The following CELF2 variants were observed in gnomAD, a reference collection of about 807,000 sequenced individuals.
The protein encoded by CELF2 is CUGBP Elav-like family member 2.
Under a neutral mutation model 62.6 loss-of-function variants are expected in CELF2, and 8 were observed. The observed-to-expected ratio is 0.13, with a 90% confidence interval of 0.07 to 0.23. The LOEUF (loss-of-function observed/expected upper bound fraction) is 0.23. Ranked by LOEUF, CELF2 falls within the 10% of genes least tolerant of loss-of-function variation. The probability of loss-of-function intolerance (pLI) is 1.00; values close to 1 mark genes in which losing one functional copy is unlikely to be tolerated. For missense variants in CELF2, 333 were observed against 671.0 expected (o/e 0.50, Z 5.56); for synonymous variants, 258 against 250.0 (o/e 1.03, Z -0.30).
At chr10:11,219,216 A>C (rs922973625) in intron 3 of CELF2, among the ~76,000 whole-genome samples, 3 of 152,344 alleles carry the variant, frequency 2.0e-5, no homozygotes, top group East Asian at 1.9e-4. Context: ...CGATCTTCAT[A>C]GTCGAGGGTG....
At chr10:10,487,804 C>T in the CELF2 span, among the ~76,000 whole-genome samples, 1 of 152,048 alleles carries the variant, frequency 6.6e-6, no homozygotes, top group South Asian at 2.1e-4. Context: ...TAATGGTGGT[C>T]TTTGTGCTTA....
At chr10:10,832,844 A>T (rs2057981532) in intron 1 of CELF2, among the ~76,000 whole-genome samples, 1 of 152,154 alleles carries the variant, frequency 6.6e-6, no homozygotes, top group Admixed American at 6.5e-5. Context: ...ATAAAATGCA[A>T]AATTGGCCTA....
At chr10:10,855,739 T>C (rs1026775073) in intron 1 of CELF2, among the ~76,000 whole-genome samples, 1 of 152,232 alleles carries the variant, frequency 6.6e-6, no homozygotes, top group Non-Finnish European at 1.5e-5. Context: ...CTTGGAGGTA[T>C]TCATAGGCAC....
At chr10:10,546,703 T>C in the CELF2 span, among the ~76,000 whole-genome samples, 1 of 152,166 alleles carries the variant, frequency 6.6e-6, no homozygotes, top group African/African-American at 2.4e-5. Context: ...TTCATGACTT[T>C]TGTCACAAAG....
chr10:11,005,014 G>A (rs111387247), upstream of CELF2: 18 of 981,818 alleles, frequency 1.8e-5, no homozygotes, highest in African/African-American at 1.6e-4. The surrounding 1 kb of genome is among the most constrained non-coding windows in gnomAD (Gnocchi z 4.3). Context: ...TGAGTTCCTT[G>A]GTTGTTGTTT....
At chr10:10,986,184 A>T (rs1216257868) in intron 2 of CELF2, among the ~76,000 whole-genome samples, 2 of 147,570 alleles carry the variant, frequency 1.4e-5, no homozygotes, top group African/African-American at 2.6e-5. Flanking sequence ...ACTTTTTATA[A>T]AAAAAAAAGG....
intron 1 of CELF2, among the ~76,000 whole-genome samples, chr10:10,857,648 A>ATTTT: frequency 2.6e-5 from 1 of 38,812 alleles, no homozygotes; most frequent in Non-Finnish European, 4.6e-5. Context: ...ACATATATAT[A>ATTTT]GTATATATAT....
the CELF2 span, among the ~76,000 whole-genome samples, chr10:10,696,182 G>T: frequency 0.23 from 34,472 of 151,908 alleles, 4,181 homozygotes; most frequent in South Asian, 0.44. Context: ...TGGGTTTTTG[G>T]TGTGGATGTC....
chr10:10,509,728 T>C, the CELF2 span, among the ~76,000 whole-genome samples: 7 of 152,304 alleles, frequency 4.6e-5, no homozygotes, highest in African/African-American at 1.7e-4. Flanking sequence ...CCTTTGAGAT[T>C]AGCCACACAT....
chr10:11,221,197 A>G (rs998204581), intron 3 of CELF2, among the ~76,000 whole-genome samples: 1 of 152,130 alleles, frequency 6.6e-6, no homozygotes, highest in African/African-American at 2.4e-5. Flanking sequence ...GTTTTGGACT[A>G]ATTTTGGTTG....
chr10:11,295,341 C>G (rs960652305), intron 9 of CELF2, among the ~76,000 whole-genome samples: 2 of 152,214 alleles, frequency 1.3e-5, no homozygotes, highest in African/African-American at 4.8e-5. Flanking sequence ...CTAGCATCAG[C>G]TTTTAAGAAA....
chr10:11,293,797 G>T (rs1334583484), intron 9 of CELF2, among the ~76,000 whole-genome samples: 1 of 151,872 alleles, frequency 6.6e-6, no homozygotes, highest in African/African-American at 2.4e-5. Context: ...AGTGTTGTTT[G>T]TTTTTTTTTA....
chr10:10,463,024 A>C, the CELF2 span, among the ~76,000 whole-genome samples: 1 of 152,132 alleles, frequency 6.6e-6, no homozygotes, highest in East Asian at 1.9e-4. Flanking sequence ...CAGGAAGTGC[A>C]ATGATGAAAC....
chr10:10,685,024 A>C, the CELF2 span, among the ~76,000 whole-genome samples: 2 of 152,176 alleles, frequency 1.3e-5, no homozygotes, highest in Non-Finnish European at 2.9e-5. Context: ...CAACCACCGG[A>C]GACCAAAATG....
chr10:10,529,978 G>T, the CELF2 span, among the ~76,000 whole-genome samples: 1 of 152,154 alleles, frequency 6.6e-6, no homozygotes, highest in African/African-American at 2.4e-5. Context: ...TTCTGCAGTT[G>T]CTCTGATGCC....
At chr10:11,042,699 A>G (rs1253444127) in intron 1 of CELF2, among the ~76,000 whole-genome samples, 1 of 152,120 alleles carries the variant, frequency 6.6e-6, no homozygotes, top group Non-Finnish European at 1.5e-5. Flanking sequence ...CCCCACCCCA[A>G]TTTCCCTTAG....
chr10:10,664,683 T>A, the CELF2 span, among the ~76,000 whole-genome samples: 2 of 152,230 alleles, frequency 1.3e-5, no homozygotes, highest in African/African-American at 4.8e-5. Flanking sequence ...ATTTGAACCA[T>A]CTTCCTTGAG....
intron 1 of CELF2, among the ~76,000 whole-genome samples, chr10:10,873,362 T>C (rs1221240368): frequency 6.6e-6 from 1 of 152,178 alleles, no homozygotes; most frequent in Non-Finnish European, 1.5e-5. Context: ...AATAAATAAA[T>C]AAACTTAATT....
chr10:11,119,218 G>C (rs2057212929), intron 1 of CELF2, among the ~76,000 whole-genome samples: 1 of 152,144 alleles, frequency 6.6e-6, no homozygotes, highest in South Asian at 2.1e-4. Flanking sequence ...TAGACTTCTT[G>C]CATAAACTTG....
Sources: allele counts gnomAD v4.1 joint callset (sites outside exome capture counted in the v4.1 genomes callset), GRCh38; gene constraint gnomAD v4.1.1; non-coding constraint Gnocchi (gnomAD v3.1); transcripts MANE v1.5; gene names NCBI Gene and HGNC (gene_info 2026-07-23, HGNC 2026-07-21).